ARHGAP42: variants seen among roughly 807,000 people sequenced by gnomAD.
The protein encoded by ARHGAP42 is Rho GTPase activating protein 42.
A neutral mutation model predicts 125.0 loss-of-function variants in ARHGAP42; 63 were observed. The observed-to-expected ratio is 0.50, with a 90% CI of 0.41 to 0.62. ARHGAP42 has a LOEUF of 0.62. ARHGAP42 is among the 20% of genes least tolerant of loss of function. ARHGAP42 has a pLI of 0.00. For missense variants in ARHGAP42, 766 were observed against 1,024.2 expected (o/e 0.75, Z 3.44); for synonymous variants, 339 against 351.0 (o/e 0.97, Z 0.38).
intron 1 of ARHGAP42, among the ~76,000 whole-genome samples, chr11:100,725,494 C>T (rs1861838788): frequency 6.6e-6 from 1 of 151,330 alleles, no homozygotes; most frequent in Non-Finnish European, 1.5e-5. Flanking sequence ...GTGAATTATT[C>T]ATGACTTAAG....
At chr11:100,692,481 TTGA>T (rs1336563661) in intron 1 of ARHGAP42, among the ~76,000 whole-genome samples, 3 of 152,240 alleles carry the variant, frequency 2.0e-5, no homozygotes, top group Non-Finnish European at 1.5e-5. Flanking sequence ...TAGTGTGTTG[TTGA>T]TGATTCATTT....
At chr11:100,775,526 A>G (rs938612794) in intron 2 of ARHGAP42, among the ~76,000 whole-genome samples, 2 of 152,222 alleles carry the variant, frequency 1.3e-5, no homozygotes, top group African/African-American at 4.8e-5. Flanking sequence ...GCCCAGCCTT[A>G]AAACCTTACT....
At chr11:100,961,793 C>G (rs1245525436) in intron 15 of ARHGAP42, 25 bp downstream of exon 15, 1 of 1,531,346 alleles carries the variant, frequency 6.5e-7, no homozygotes, top group Non-Finnish European at 8.9e-7. Context: ...ACTCCTGGTA[C>G]TCTGGATGTA....
At position 100,693,653 on chromosome 11, in the gene ARHGAP42, G is replaced by A. The variant is rs1698275655; in HGVS notation, c.154+5821G>A. 2.0e-5 allele frequency among the ~76,000 whole-genome samples: 3 copies of A among 152,136 alleles called. No individual in the cohort carries two copies. The South Asian group carries it at 6.2e-4, about 31-fold the overall frequency. ...TCTCCTGGGTTCGGTCAGAGAATGG[G>A]TTGCTGTCAGAACAAAAAACAGTTC... On this transcript the variant is annotated intron_variant, in intron 1 of 23. Coordinates refer to ENST00000298815, the MANE Select transcript of ARHGAP42 (RefSeq NM_152432.4).
At chr11:100,831,832 A>G (rs1864669548) in intron 3 of ARHGAP42, among the ~76,000 whole-genome samples, 1 of 152,258 alleles carries the variant, frequency 6.6e-6, no homozygotes, top group Non-Finnish European at 1.5e-5. Flanking sequence ...TCACTGGGAA[A>G]ATGCATTCTA....
intron 6 of ARHGAP42, among the ~76,000 whole-genome samples, chr11:100,926,258 T>C (rs562947101): frequency 2.0e-5 from 3 of 152,212 alleles, no homozygotes; most frequent in Non-Finnish European, 4.4e-5. Flanking sequence ...CATAACAGCA[T>C]TATTATGAAG....
intron 4 of ARHGAP42, among the ~76,000 whole-genome samples, chr11:100,893,491 A>G (rs1866273002): frequency 6.6e-6 from 1 of 152,162 alleles, no homozygotes. Flanking sequence ...CTGAAAAGCC[A>G]TAAATAAGAC....
At chr11:100,744,949 C>T (rs193196649) in intron 1 of ARHGAP42, among the ~76,000 whole-genome samples, 1 of 152,262 alleles carries the variant, frequency 6.6e-6, no homozygotes, top group Non-Finnish European at 1.5e-5. Context: ...GCACGTGGCC[C>T]CCGCTGCTGT....
chr11:100,954,915 G>C (rs1317197302), intron 12 of ARHGAP42, among the ~76,000 whole-genome samples: 1 of 152,018 alleles, frequency 6.6e-6, no homozygotes, highest in African/African-American at 2.4e-5. Flanking sequence ...CTGTGATAAG[G>C]GACCTTTTAA....
At chr11:100,891,895 A>G (rs1866228938) in intron 4 of ARHGAP42, among the ~76,000 whole-genome samples, 1 of 152,222 alleles carries the variant, frequency 6.6e-6, no homozygotes, top group African/African-American at 2.4e-5. Flanking sequence ...TGGAAAGATG[A>G]TACTTGAGGC....
At chr11:100,940,098 C>A (rs515868) in intron 8 of ARHGAP42, among the ~76,000 whole-genome samples, 125,436 of 151,996 alleles carry the variant, frequency 0.83, 51,815 homozygotes, top group South Asian at 0.85. Flanking sequence ...AATGGAATTG[C>A]AGTTAATTGT....
At chr11:100,754,349 C>T (rs1362134683) in intron 1 of ARHGAP42, among the ~76,000 whole-genome samples, 3 of 152,182 alleles carry the variant, frequency 2.0e-5, no homozygotes, top group Non-Finnish European at 2.9e-5. Flanking sequence ...AGAAATCAGA[C>T]ATACTTGAAA....
intron 1 of ARHGAP42, among the ~76,000 whole-genome samples, chr11:100,717,912 A>G (rs1861693571): frequency 8.0e-6 from 1 of 125,522 alleles, no homozygotes; most frequent in African/African-American, 3.1e-5. Context: ...CAACAGAGCG[A>G]GACTCTGCCT....
intron 1 of ARHGAP42, among the ~76,000 whole-genome samples, chr11:100,717,770 A>G (rs1320664634): frequency 6.6e-6 from 1 of 151,156 alleles, no homozygotes; most frequent in Non-Finnish European, 1.5e-5. Context: ...TACTGTAAAT[A>G]CAAAAATTAA....
chr11:100,749,228 C>G (rs1000173482), intron 1 of ARHGAP42, among the ~76,000 whole-genome samples: 3 of 152,248 alleles, frequency 2.0e-5, no homozygotes, highest in Middle Eastern at 3.4e-3. Flanking sequence ...GGCTCAACCC[C>G]TCAAACCAGG....
chr11:100,781,571 G>A (rs140780472), intron 2 of ARHGAP42, among the ~76,000 whole-genome samples: 2 of 152,176 alleles, frequency 1.3e-5, no homozygotes, highest in East Asian at 1.9e-4. Context: ...CAGGTACCAT[G>A]TTAGGTGCTG....
intron 3 of ARHGAP42, among the ~76,000 whole-genome samples, chr11:100,822,928 G>A (rs1172529278): frequency 6.6e-6 from 1 of 152,102 alleles, no homozygotes; most frequent in Admixed American, 6.6e-5. Context: ...CCAAAAGTGA[G>A]AAGGTTAAGG....
At chr11:100,766,833 AT>A (rs1157392411) in intron 1 of ARHGAP42, among the ~76,000 whole-genome samples, 1 of 152,200 alleles carries the variant, frequency 6.6e-6, no homozygotes, top group African/African-American at 2.4e-5. Flanking sequence ...AATGTGTCAT[AT>A]TTCAGACATC....
chr11:100,785,802 C>T (rs1380650887), intron 2 of ARHGAP42, among the ~76,000 whole-genome samples: 1 of 152,156 alleles, frequency 6.6e-6, no homozygotes, highest in Non-Finnish European at 1.5e-5. Context: ...AACTGTTTGC[C>T]TTTAAAGATG....
Sources: gnomAD v4.1 joint callset for allele counts (sites outside exome capture counted in the v4.1 genomes callset) on GRCh38, gnomAD v4.1.1 for gene constraint, MANE v1.5 for transcripts, NCBI Gene and HGNC (gene_info 2026-07-23, HGNC 2026-07-21) for gene names.